The following SOX5 variants were observed in gnomAD, a reference collection of about 807,000 sequenced individuals.
SOX5 encodes transcription factor SOX-5.
A neutral mutation model predicts 92.0 loss-of-function variants in SOX5; 9 were observed. The ratio of observed to expected loss-of-function variants is 0.10; its 90% CI spans 0.06 to 0.17. The LOEUF (loss-of-function observed/expected upper bound fraction) is 0.17, where lower values mean the gene tolerates loss of function less well. SOX5 is among the 10% of genes least tolerant of loss of function. The pLI is 1.00. For missense variants in SOX5, 642 were observed against 944.5 expected, an observed-to-expected ratio of 0.68 and a Z score of 4.20; for synonymous variants, 344 against 336.3, an observed-to-expected ratio of 1.02 and a Z score of -0.25.
At chr12:24,337,822 C>G (rs1952079347) in intron 2 of SOX5, among the ~76,000 whole-genome samples, 1 of 152,134 alleles carries the variant, frequency 6.6e-6, no homozygotes, top group South Asian at 2.1e-4. Flanking sequence ...TTATTTTTAA[C>G]AGATGAACTA....
intron 2 of SOX5, among the ~76,000 whole-genome samples, chr12:24,339,095 G>T (rs1952256529): frequency 6.7e-6 from 1 of 149,990 alleles, no homozygotes; most frequent in Non-Finnish European, 1.5e-5. Flanking sequence ...CAGTCTAATG[G>T]TAAAACAGAC....
At chr12:24,307,825 C>T (rs913850598) in intron 2 of SOX5, among the ~76,000 whole-genome samples, 3 of 146,700 alleles carry the variant, frequency 2.0e-5, no homozygotes. Context: ...GTTTGTACTT[C>T]AAGCCTCATT....
intron 4 of SOX5, among the ~76,000 whole-genome samples, chr12:23,997,627 TAAAAGA>T (rs1190631237): frequency 2.6e-5 from 4 of 152,138 alleles, no homozygotes; most frequent in African/African-American, 9.6e-5. Context: ...ATGAAGAAAG[TAAAAGA>T]TGGGGCGGAT....
At chr12:24,042,444 T>C (rs1956616081) in intron 4 of SOX5, among the ~76,000 whole-genome samples, 1 of 152,140 alleles carries the variant, frequency 6.6e-6, no homozygotes, top group African/African-American at 2.4e-5. Context: ...TCAAGCGTGT[T>C]ACACTAACAA....
chr12:23,917,508 G>A (rs1227193689), intron 1 of SOX5, among the ~76,000 whole-genome samples: 1 of 152,086 alleles, frequency 6.6e-6, no homozygotes, highest in East Asian at 1.9e-4. Context: ...AGCTAAGATT[G>A]CACCACTGCA....
At chr12:23,580,152 A>G (rs1161619135) in intron 9 of SOX5, among the ~76,000 whole-genome samples, 2 of 152,074 alleles carry the variant, frequency 1.3e-5, no homozygotes, top group Non-Finnish European at 2.9e-5. Flanking sequence ...AGTTTATTTA[A>G]TCTTCACGAC....
intron 6 of SOX5, among the ~76,000 whole-genome samples, chr12:23,726,897 T>C (rs1299236355): frequency 2.0e-5 from 3 of 152,178 alleles, no homozygotes; most frequent in Non-Finnish European, 2.9e-5. Flanking sequence ...TATTTCAGTT[T>C]ACATGCAGAT....
At chr12:24,108,313 TC>T (rs1201154667) in intron 4 of SOX5, among the ~76,000 whole-genome samples, 2 of 151,202 alleles carry the variant, frequency 1.3e-5, no homozygotes, top group African/African-American at 2.4e-5. Flanking sequence ...AGTTTTTCCA[TC>T]CTTTTTTTAT....
intron 1 of SOX5, among the ~76,000 whole-genome samples, chr12:24,556,587 C>A (rs1019717818): frequency 2.6e-5 from 4 of 152,266 alleles, no homozygotes; most frequent in East Asian, 1.9e-4. Flanking sequence ...GACTATCAAA[C>A]GATTAAATCT....
intron 1 of SOX5, among the ~76,000 whole-genome samples, chr12:24,490,132 C>G (rs1160284559): frequency 6.6e-6 from 1 of 152,202 alleles, no homozygotes; most frequent in Non-Finnish European, 1.5e-5. Context: ...AACAATGACA[C>G]AGAACAGATG....
chr12:24,194,791 A>G (rs1242741539), intron 4 of SOX5, among the ~76,000 whole-genome samples: 1 of 152,118 alleles, frequency 6.6e-6, no homozygotes, highest in Non-Finnish European at 1.5e-5. Context: ...AAATCATTTA[A>G]TATGTCAAAA....
At chr12:24,071,003 G>A (rs892144242) in intron 4 of SOX5, among the ~76,000 whole-genome samples, 3 of 152,102 alleles carry the variant, frequency 2.0e-5, no homozygotes, top group African/African-American at 7.2e-5. Context: ...ACATTATGCT[G>A]GAAATTTTCT....
intron 4 of SOX5, among the ~76,000 whole-genome samples, chr12:24,068,727 T>TATATATATATATATATATAC (rs1941264778): frequency 8.8e-6 from 1 of 113,700 alleles, no homozygotes; most frequent in Non-Finnish European, 1.7e-5. Flanking sequence ...TATATATATA[T>TATATATATATATATATATAC]ATATATATAT....
intron 4 of SOX5, among the ~76,000 whole-genome samples, chr12:24,140,472 G>T (rs1950489252): frequency 6.6e-6 from 1 of 152,030 alleles, no homozygotes; most frequent in East Asian, 1.9e-4. Context: ...AAAGACTATG[G>T]TCATACAGGT....
intron 8 of SOX5, among the ~76,000 whole-genome samples, chr12:23,606,272 C>G (rs1242259689): frequency 5.9e-5 from 9 of 151,896 alleles, no homozygotes; most frequent in Admixed American, 5.9e-4. Context: ...AATTTAAAAA[C>G]TATATGTATA....
At chr12:24,411,960 G>GT (rs1490073095) in intron 1 of SOX5, among the ~76,000 whole-genome samples, 1 of 152,028 alleles carries the variant, frequency 6.6e-6, no homozygotes, top group African/African-American at 2.4e-5. Flanking sequence ...TTTAACTGTT[G>GT]TAAGGCTATT....
chr12:24,236,849 T>TG lies in SOX5; in HGVS notation c.-76-23433dup, dbSNP rs375562051. 2.7e-3 allele frequency among the ~76,000 whole-genome samples: 410 copies of TG among 151,172 alleles called. 1 individual carries two copies. The highest frequency in any genetic ancestry group is 9.7e-3 in the African/African-American group (399 of 41,094). On this transcript the variant is annotated intron_variant, in intron 3 of 4. Coordinates refer to the SOX5 transcript ENST00000446891. Reference sequence around the variant, plus strand: ...AGTGCAGGTGAAAGTAATAAACACGTGGGGGCACTGAGTGAAAGGTCAATC... The same window carrying TG: ...AGTGCAGGTGAAAGTAATAAACACGTGGGGGGCACTGAGTGAAAGGTCAATC...
At chr12:24,286,233 A>G (rs1945847288) in intron 2 of SOX5, among the ~76,000 whole-genome samples, 1 of 152,228 alleles carries the variant, frequency 6.6e-6, no homozygotes, top group South Asian at 2.1e-4. Flanking sequence ...GTCCAATCAA[A>G]TGTAGGTAAA....
intron 4 of SOX5, among the ~76,000 whole-genome samples, chr12:24,139,147 A>G (rs1950351670): frequency 6.6e-6 from 1 of 152,206 alleles, no homozygotes; most frequent in Non-Finnish European, 1.5e-5. Flanking sequence ...CCATGTTATT[A>G]TACACTGACA....
Sources: gnomAD v4.1 joint callset for allele counts (sites outside exome capture counted in the v4.1 genomes callset) on GRCh38, gnomAD v4.1.1 for gene constraint, MANE v1.5 for transcripts, NCBI Gene and HGNC (gene_info 2026-07-23, HGNC 2026-07-21) for gene names.